NCMAP: variants seen among roughly 807,000 people sequenced by gnomAD.
The protein encoded by NCMAP is noncompact myelin-associated protein.
Under a neutral mutation model 7.8 loss-of-function variants are expected in NCMAP, and 8 were observed. That is an observed-to-expected ratio of 1.02 (90% CI 0.60 to 1.84). The LOEUF is 1.84. NCMAP is among the 40% of genes most tolerant of loss of function. The pLI is 0.00. For synonymous variants in NCMAP, 41 were observed against 52.9 expected (o/e 0.78, Z 0.98); for missense variants, 112 against 131.4 (o/e 0.85, Z 0.72).
chr1:24,574,982 G>A (rs1037783237), intron 1 of NCMAP, among the ~76,000 whole-genome samples: 1 of 151,938 alleles, frequency 6.6e-6, no homozygotes, highest in Non-Finnish European at 1.5e-5. Flanking sequence ...TAGAGATGCG[G>A]TTTCAACATG....
intron 3 of NCMAP, among the ~76,000 whole-genome samples, chr1:24,602,939 C>G (rs1157421900): frequency 1.3e-5 from 2 of 151,858 alleles, no homozygotes; most frequent in African/African-American, 4.8e-5. Flanking sequence ...ACTTGGGAGG[C>G]TGAGGCAGGA....
At chr1:24,558,748 G>A (rs1006060484) in intron 1 of NCMAP, among the ~76,000 whole-genome samples, 2 of 152,158 alleles carry the variant, frequency 1.3e-5, no homozygotes, top group Non-Finnish European at 2.9e-5. Flanking sequence ...GGATCTGGAC[G>A]TGATGTTCAG....
chr1:24,570,540 C>A (rs1651358747), intron 1 of NCMAP, among the ~76,000 whole-genome samples: 1 of 150,834 alleles, frequency 6.6e-6, no homozygotes, highest in African/African-American at 2.5e-5. Flanking sequence ...GGGGGCTTAG[C>A]GCTTAGAACT....
chr1:24,590,657 A>G (rs969222211), intron 1 of NCMAP, among the ~76,000 whole-genome samples: 2 of 152,060 alleles, frequency 1.3e-5, no homozygotes, highest in South Asian at 2.1e-4. Context: ...CTGGAATGCA[A>G]TGGTGCCATC....
chr1:24,605,526 C>A, intron 3 of NCMAP, 80 bp from the exon 4 acceptor site: 1 of 1,503,146 alleles, frequency 6.7e-7, no homozygotes, highest in Non-Finnish European at 9.1e-7. Context: ...AATCTGTTGG[C>A]CAGAACTGTA....
At chr1:24,595,566 G>C in intron 2 of NCMAP, 54 bp downstream of exon 2, 1 of 1,398,514 alleles carries the variant, frequency 7.2e-7, no homozygotes, top group Admixed American at 1.7e-5. Flanking sequence ...CCAGTGTCAT[G>C]GTCATAGTGC....
Position 24,607,906 on chromosome 1 carries a change from G to A in NCMAP, c.*2159G>A, listed in dbSNP as rs1652816679. On this transcript the variant is annotated 3_prime_UTR_variant, in exon 4 of 4. Coordinates refer to ENST00000374392, the MANE Select transcript of NCMAP (RefSeq NM_001010980.5). ...TTATGAGGGGAAATCAAGAGTCAGG[G>A]AGGTAAGAGGTCTTACCCAGGGTCA... The A allele has an allele frequency of 1.3e-5, 2 of 152,210 alleles. No individual in the cohort carries two copies. The highest frequency in any genetic ancestry group is 2.9e-5 in the Non-Finnish European group (2 of 68,064). 9.4% of individuals were successfully genotyped at this position (152,210 alleles called of 1,614,324 possible). A position where few individuals can be genotyped will look rare whatever the true frequency, so the allele number is the denominator to read the frequency against.
At chr1:24,570,687 G>A (rs1342321500) in intron 1 of NCMAP, among the ~76,000 whole-genome samples, 2 of 150,758 alleles carry the variant, frequency 1.3e-5, no homozygotes, top group African/African-American at 5.0e-5. Flanking sequence ...CCAGGCCCCT[G>A]CTCAGAACCC....
At chr1:24,597,582 A>AAAGT in intron 2 of NCMAP, among the ~76,000 whole-genome samples, 1 of 72,528 alleles carries the variant, frequency 1.4e-5, no homozygotes, top group Non-Finnish European at 3.1e-5. Context: ...TGTAAAAACA[A>AAAGT]AAGAGAAGAA....
intron 1 of NCMAP, among the ~76,000 whole-genome samples, chr1:24,593,209 CATAGGGG>C (rs1652102513): frequency 6.6e-6 from 1 of 150,680 alleles, no homozygotes; most frequent in Non-Finnish European, 1.5e-5. Context: ...CTGGGCTGGG[CATAGGGG>C]ATCATGCTTG....
intron 1 of NCMAP, among the ~76,000 whole-genome samples, chr1:24,557,515 C>T (rs897584641): frequency 3.3e-5 from 5 of 151,948 alleles, no homozygotes; most frequent in East Asian, 1.9e-4. Context: ...GCCAGAGCAC[C>T]GGGATAGAAG....
At chr1:24,556,426 C>T (rs1443151645) in intron 1 of NCMAP, among the ~76,000 whole-genome samples, 6 of 152,192 alleles carry the variant, frequency 3.9e-5, no homozygotes, top group East Asian at 1.9e-4. Flanking sequence ...AGGTCGTTTC[C>T]TTGTCCCCTC....
intron 3 of NCMAP, among the ~76,000 whole-genome samples, chr1:24,605,314 AATGTAAT>A (rs1652684562): frequency 6.6e-6 from 1 of 152,128 alleles, no homozygotes; most frequent in Admixed American, 6.6e-5. Context: ...GAACATAAAA[AATGTAAT>A]ATCTTTATTT....
At chr1:24,569,555 G>A (rs1263576101) in intron 1 of NCMAP, among the ~76,000 whole-genome samples, 2 of 150,578 alleles carry the variant, frequency 1.3e-5, no homozygotes, top group Non-Finnish European at 2.9e-5. Context: ...GCAGTAAAGT[G>A]GAGTGGTCAA....
Position 24,598,857 on chromosome 1 carries a change from C to G in NCMAP, c.83-2083C>G, listed in dbSNP as rs187046896. ...TTCACCATGTTAGCCAGGCTGGTCT[C>G]AAACTCCTGACCTCAGGTGATCCGC... On this transcript the variant is annotated intron_variant, in intron 2 of 3. Coordinates refer to ENST00000374392, the MANE Select transcript of NCMAP (RefSeq NM_001010980.5). 2.1e-4 allele frequency among the ~76,000 whole-genome samples: 31 copies of G among 149,482 alleles called. No individual in the cohort carries two copies. The Middle Eastern group carries it at 0.014, about 67-fold the overall frequency.
In NCMAP at chr1:24,591,370, C is replaced by T. The variant is rs1334471289; in HGVS notation, c.-7-4054C>T. Among the ~76,000 whole-genome samples the T allele has an allele frequency of 2.0e-5, 3 of 152,026 alleles. No individual in the cohort carries two copies. In the South Asian group the frequency reaches 6.2e-4, roughly 32 times the overall value. The stretch of plus-strand genomic sequence containing the variant: ...AACCTCCACCTCCTGGAGGTTTAAG[C>T]GATTCTTCTGCCTCAGCCTCCCAAG... On this transcript the variant is annotated intron_variant, in intron 1 of 3. Transcript: ENST00000374392.
intron 1 of NCMAP, among the ~76,000 whole-genome samples, chr1:24,591,782 C>G (rs1652056652): frequency 6.6e-6 from 1 of 152,042 alleles, no homozygotes; most frequent in Admixed American, 6.6e-5. Context: ...TAGACAAGAG[C>G]TAGGGAGGGT....
At chr1:24,602,040 C>CAA (rs10699965) in intron 3 of NCMAP, among the ~76,000 whole-genome samples, 7,401 of 133,908 alleles carry the variant, frequency 0.055, 636 homozygotes, top group African/African-American at 0.19. Context: ...AACTCCGTCT[C>CAA]AAAAAAAAAA....
chr1:24,593,114 G>T (rs1273924658), intron 1 of NCMAP, among the ~76,000 whole-genome samples: 2 of 150,910 alleles, frequency 1.3e-5, no homozygotes, highest in Admixed American at 6.6e-5. Flanking sequence ...GGAGACAGAG[G>T]TTGCAGTGAG....
Sources: gnomAD v4.1 joint callset for allele counts (sites outside exome capture counted in the v4.1 genomes callset) on GRCh38, gnomAD v4.1.1 for gene constraint, MANE v1.5 for transcripts, NCBI Gene and HGNC (gene_info 2026-07-23, HGNC 2026-07-21) for gene names.